The following PLA2R1 variants were observed in gnomAD, a reference collection of about 807,000 sequenced individuals.
PLA2R1 encodes secretory phospholipase A2 receptor.
In PLA2R1, 158 loss-of-function variants were observed where a neutral mutation model predicts 195.9. The observed-to-expected ratio is 0.81, with a 90% CI of 0.71 to 0.92. The LOEUF (loss-of-function observed/expected upper bound fraction) is 0.92. Among genes scored for constraint, PLA2R1 ranks in the 40% least tolerant of loss-of-function variants. PLA2R1 has a pLI of 0.00. For synonymous variants in PLA2R1, 586 were observed against 598.2 expected (o/e 0.98, Z 0.30); for missense variants, 1,626 against 1,764.6 (o/e 0.92, Z 1.41).
At chr2:159,984,832 G>C (rs1690213102) in intron 12 of PLA2R1, among the ~76,000 whole-genome samples, 1 of 152,148 alleles carries the variant, frequency 6.6e-6, no homozygotes, top group African/African-American at 2.4e-5. Flanking sequence ...CTGGCACTAA[G>C]CCTGAGCCTC....
chr2:159,979,106 C>T (rs1013959215), intron 14 of PLA2R1, among the ~76,000 whole-genome samples: 17 of 152,190 alleles, frequency 1.1e-4, no homozygotes, highest in African/African-American at 3.1e-4. Flanking sequence ...ATTCTCACTG[C>T]AGGCTCTTAG....
chr2:160,046,138 C>G (rs980925265), intron 1 of PLA2R1, among the ~76,000 whole-genome samples: 1 of 152,332 alleles, frequency 6.6e-6, no homozygotes, highest in African/African-American at 2.4e-5. Flanking sequence ...AACAAAGTCT[C>G]ATTTCTTTGG....
intron 20 of PLA2R1, among the ~76,000 whole-genome samples, chr2:159,965,842 G>GC (rs1423846715): frequency 1.3e-5 from 2 of 152,150 alleles, no homozygotes; most frequent in Admixed American, 1.3e-4. Context: ...CGTTCTAGTA[G>GC]CTGTGCAGTG....
chr2:159,989,570 A>C (rs1690616949), intron 11 of PLA2R1, among the ~76,000 whole-genome samples: 1 of 152,188 alleles, frequency 6.6e-6, no homozygotes, highest in East Asian at 1.9e-4. Flanking sequence ...TAGTAACTGG[A>C]AACTTGAGGA....
At chr2:159,945,447 T>C (rs1215571759) in intron 27 of PLA2R1, among the ~76,000 whole-genome samples, 6 of 150,972 alleles carry the variant, frequency 4.0e-5, no homozygotes, top group African/African-American at 1.2e-4. Flanking sequence ...GAATATGCAG[T>C]GTTTGGTTTT....
At chr2:160,012,085 A>G (rs1180532337) in intron 10 of PLA2R1, among the ~76,000 whole-genome samples, 2 of 152,186 alleles carry the variant, frequency 1.3e-5, no homozygotes, top group Admixed American at 6.5e-5. Flanking sequence ...TTGACTTCCA[A>G]TGTGGGAGGA....
At position 160,022,744 on chromosome 2, in the gene PLA2R1, A is replaced by G. The variant is rs1205700091; in HGVS notation, c.1215T>C (p.Ser405=). 1 of 1,613,540 alleles carries G rather than the reference A, an allele frequency of 6.2e-7. No individual in the cohort carries two copies. Among genetic ancestry groups the G allele is most frequent in the Non-Finnish European group, 8.5e-7 (1 of 1,179,446 alleles). Reference sequence around the variant, plus strand: ...TTAATGCACTGTTATCAGCCTGACAAGAACGCAGAGCCTCATGCCAGGTCT... The same window carrying G: ...TTAATGCACTGTTATCAGCCTGACAGGAACGCAGAGCCTCATGCCAGGTCT... ...EEKTWHEALR[S]CQADNSALID... The change falls in exon 7 of 30, where the codon TCT becomes TCC. Residue 405 remains serine, a synonymous_variant. Transcript: ENST00000283243.
chr2:159,981,939 A>C (rs147763515), intron 13 of PLA2R1, among the ~76,000 whole-genome samples: 161 of 152,272 alleles, frequency 1.1e-3, no homozygotes, highest in African/African-American at 3.8e-3. Flanking sequence ...TTGGTGTCCC[A>C]AAGTGCTGTG....
At chr2:159,985,804 G>A (rs540233613) in intron 12 of PLA2R1, among the ~76,000 whole-genome samples, 198 of 152,194 alleles carry the variant, frequency 1.3e-3, no homozygotes, top group Non-Finnish European at 2.0e-3. Flanking sequence ...AATATTGCAG[G>A]AGGACAGGTC....
At chr2:160,036,920 T>G (rs1425047789) in intron 3 of PLA2R1, among the ~76,000 whole-genome samples, 1 of 152,186 alleles carries the variant, frequency 6.6e-6, no homozygotes, top group African/African-American at 2.4e-5. Context: ...GAATTCTTCT[T>G]TTAGTCTCTT....
Position 160,036,251 on chromosome 2 carries a change from T to C in PLA2R1, c.668-3119A>G, listed in dbSNP as rs544044474. The stretch of plus-strand genomic sequence containing the variant: ...CACATGTAACATGTGCAAACCTGAA[T>C]AGTATTTAATTTTCTTTTCCAAATG... On this transcript the variant is annotated intron_variant, in intron 3 of 29. Coordinates refer to ENST00000283243, the MANE Select transcript of PLA2R1 (RefSeq NM_007366.5). Among the ~76,000 whole-genome samples, 189 of 152,196 alleles carry C rather than the reference T, an allele frequency of 1.2e-3. 1 individual carries two copies. The highest frequency in any genetic ancestry group is 2.1e-3 in the Non-Finnish European group (144 of 68,034).
chr2:159,948,281 C>A (rs1416559181), intron 25 of PLA2R1, among the ~76,000 whole-genome samples: 1 of 152,140 alleles, frequency 6.6e-6, no homozygotes, highest in African/African-American at 2.4e-5. Context: ...GTCACCTAGG[C>A]TGAAGTGCAG....
At chr2:160,046,616 T>C (rs940919021) in intron 1 of PLA2R1, among the ~76,000 whole-genome samples, 2 of 152,190 alleles carry the variant, frequency 1.3e-5, no homozygotes, top group Non-Finnish European at 2.9e-5. Context: ...TATTAATAAA[T>C]GGTATACCTC....
chr2:160,059,180 G>A (rs1048378944), intron 1 of PLA2R1, among the ~76,000 whole-genome samples: 1 of 152,186 alleles, frequency 6.6e-6, no homozygotes, highest in African/African-American at 2.4e-5. Flanking sequence ...GTGAGGGAAG[G>A]GGAGCAGCTG....
rs1009676326 is a variant in PLA2R1, at chr2:159,934,494, A to G, written c.*7284T>C. 1 of 152,220 alleles carries G rather than the reference A, an allele frequency of 6.6e-6. No homozygotes were observed. The highest frequency in any genetic ancestry group is 2.4e-5 in the African/African-American group (1 of 41,462). The allele number at this position is 152,220 out of a possible 1,614,324, so 9.4% of individuals were successfully genotyped here. A position where few individuals can be genotyped will look rare whatever the true frequency, so the allele number is the denominator to read the frequency against. On this transcript the variant is annotated 3_prime_UTR_variant, in exon 30 of 30. Transcript: ENST00000283243. ...GCAGTGGTCCTCAAACTTTTTGGCTAGCATACAAAATTGTTAAAAGAATCA... is the reference window on the plus strand; with the variant it reads ...GCAGTGGTCCTCAAACTTTTTGGCTGGCATACAAAATTGTTAAAAGAATCA...
chr2:160,059,837 C>T (rs1398654613), intron 1 of PLA2R1, among the ~76,000 whole-genome samples: 2 of 152,162 alleles, frequency 1.3e-5, no homozygotes, highest in African/African-American at 4.8e-5. Context: ...ATAAACCCAT[C>T]AGAGGTTGTG....
intron 10 of PLA2R1, 52 bp downstream of exon 10, chr2:160,013,211 A>G: frequency 1.2e-6 from 1 of 838,828 alleles, no homozygotes. Context: ...TATCATTCCA[A>G]GAGTCCTCAT....
At chr2:159,967,488 A>T in intron 20 of PLA2R1, 51 bp downstream of exon 20, 1 of 1,507,930 alleles carries the variant, frequency 6.6e-7, no homozygotes, top group Non-Finnish European at 9.0e-7. Context: ...ACTTTCCAAA[A>T]TTAGTGTCTA....
At chr2:159,986,278 T>C (rs1056062704) in intron 12 of PLA2R1, among the ~76,000 whole-genome samples, 3 of 152,194 alleles carry the variant, frequency 2.0e-5, no homozygotes, top group African/African-American at 7.2e-5. Flanking sequence ...AGATTTGGGA[T>C]GCTCAACTGG....
Sources: allele counts gnomAD v4.1 joint callset (sites outside exome capture counted in the v4.1 genomes callset), GRCh38; gene constraint gnomAD v4.1.1; transcripts MANE v1.5; gene names NCBI Gene and HGNC (gene_info 2026-07-23, HGNC 2026-07-21).